ZDHHC17: variants seen among roughly 807,000 people sequenced by gnomAD.
ZDHHC17 encodes the protein palmitoyltransferase ZDHHC17.
ZDHHC17 carries 40 observed loss-of-function variants against 90.3 expected under a neutral mutation model. The observed-to-expected ratio is 0.44, with a 90% CI of 0.34 to 0.58. ZDHHC17 has a LOEUF of 0.58. Ranked by LOEUF, ZDHHC17 falls within the 20% of genes least tolerant of loss-of-function variation. The pLI is 0.01. For synonymous variants in ZDHHC17, 235 were observed against 252.4 expected, an observed-to-expected ratio of 0.93 and a Z score of 0.65; for missense variants, 614 against 780.8, an observed-to-expected ratio of 0.79 and a Z score of 2.55.
intron 1 of ZDHHC17, among the ~76,000 whole-genome samples, chr12:76,789,483 G>A (rs1400611199): frequency 6.6e-6 from 1 of 152,140 alleles, no homozygotes; most frequent in Non-Finnish European, 1.5e-5. Context: ...ACTGGGAAAT[G>A]TTTCAGAACA....
chr12:76,828,562 G>A (rs1423800970), intron 10 of ZDHHC17, 72 bp downstream of exon 10: 6 of 1,314,392 alleles, frequency 4.6e-6, no homozygotes, highest in Non-Finnish European at 6.5e-6. Flanking sequence ...TTAATAATTT[G>A]ACATTAGGAC....
chr12:76,808,476 C>A (rs905569417), intron 3 of ZDHHC17, among the ~76,000 whole-genome samples: 2 of 152,050 alleles, frequency 1.3e-5, no homozygotes, highest in African/African-American at 4.8e-5. Context: ...CTCTCTCTCT[C>A]CCCCTCTCTC....
At chr12:76,798,777 A>G (rs1363333656) in intron 2 of ZDHHC17, among the ~76,000 whole-genome samples, 1 of 152,200 alleles carries the variant, frequency 6.6e-6, no homozygotes, top group African/African-American at 2.4e-5. Flanking sequence ...TGGCTGGAGC[A>G]TGAGGAAGAG....
intron 15 of ZDHHC17, 67 bp downstream of exon 15, chr12:76,848,457 TA>T: frequency 2.0e-6 from 3 of 1,500,682 alleles, no homozygotes; most frequent in East Asian, 2.3e-5. Flanking sequence ...TAAAAGATAA[TA>T]ATATATTCTC....
intron 2 of ZDHHC17, among the ~76,000 whole-genome samples, chr12:76,800,120 T>C (rs1390042146): frequency 6.6e-6 from 1 of 152,212 alleles, no homozygotes; most frequent in Non-Finnish European, 1.5e-5. Context: ...AACCTGTACA[T>C]GGTTTTTATT....
intron 1 of ZDHHC17, among the ~76,000 whole-genome samples, chr12:76,793,128 C>T (rs970763918): frequency 3.3e-5 from 5 of 152,180 alleles, no homozygotes; most frequent in African/African-American, 9.7e-5. Context: ...TTGTCAGATT[C>T]GTGAGTTGTC....
chr12:76,837,196 C>T (rs548240315), intron 10 of ZDHHC17, among the ~76,000 whole-genome samples: 6 of 152,212 alleles, frequency 3.9e-5, no homozygotes, highest in East Asian at 3.9e-4. Flanking sequence ...AGTGCAGTGG[C>T]GTGATCTTGA....
chr12:76,799,690 G>A (rs369494036), intron 2 of ZDHHC17, among the ~76,000 whole-genome samples: 19 of 152,180 alleles, frequency 1.2e-4, no homozygotes, highest in East Asian at 1.9e-4. Context: ...CATCTTTTGC[G>A]TGAGCTTTGA....
intron 1 of ZDHHC17, chr12:76,781,609 C>G (rs1952628144): frequency 2.2e-6 from 1 of 456,058 alleles, no homozygotes; most frequent in Non-Finnish European, 4.4e-6. Flanking sequence ...GCACCTTCTA[C>G]CATGGGATGA....
At chr12:76,845,550 A>G (rs1326753445) in intron 12 of ZDHHC17, 159 bp from the exon 13 acceptor site, 1 of 351,652 alleles carries the variant, frequency 2.8e-6, no homozygotes, top group African/African-American at 2.1e-5. Context: ...TTTATTAAAC[A>G]ATAGTGACTT....
chr12:76,804,496 C>G (rs1276230305), intron 2 of ZDHHC17, among the ~76,000 whole-genome samples: 1 of 152,160 alleles, frequency 6.6e-6, no homozygotes, highest in African/African-American at 2.4e-5. Flanking sequence ...GCATGATAAA[C>G]CTAAGCACTG....
At chr12:76,814,637 G>C (rs145321613) in intron 5 of ZDHHC17, among the ~76,000 whole-genome samples, 179 of 152,004 alleles carry the variant, frequency 1.2e-3, no homozygotes, top group African/African-American at 4.1e-3. Context: ...ATGGTGGGAA[G>C]TAAGGCAGGG....
At chr12:76,788,546 G>T (rs1282744879) in intron 1 of ZDHHC17, among the ~76,000 whole-genome samples, 2 of 151,978 alleles carry the variant, frequency 1.3e-5, no homozygotes, top group East Asian at 3.8e-4. Flanking sequence ...GTATGAAAAA[G>T]ATTAATCTAT....
At chr12:76,795,897 A>G (rs1366565928) in intron 1 of ZDHHC17, among the ~76,000 whole-genome samples, 4 of 152,122 alleles carry the variant, frequency 2.6e-5, no homozygotes. Flanking sequence ...CTTTCTTCTA[A>G]TGTGGGTATA....
chr12:76,809,096 C>T lies in ZDHHC17; in HGVS notation c.374C>T (p.Ser125Leu). ...GATCAACTTGGAGGGGACCTGAATT[C>T]AACTCCATTGCACTGGGCCACAAGG... is the stretch of plus-strand genomic sequence containing the variant. The part of the protein sequence containing the change: ...IVDQLGGDLN[S>L]TPLHWATRQG... Residue 125 changes from serine to leucine, a missense_variant, in exon 4 of 17, where the codon TCA becomes TTA. Ser to Leu is a moderately radical substitution (Grantham distance 145). This residue lies in a region of ZDHHC17 where 358 missense variants were observed against 380.4 expected (regional missense o/e 0.94). Transcript: ENST00000426126. 1.3e-6 allele frequency: 2 copies of T among 1,566,454 alleles called. No individual in the cohort carries two copies. Among genetic ancestry groups the T allele is most frequent in the East Asian group, 2.4e-5 (1 of 42,056 alleles).
At chr12:76,834,453 C>T (rs766297221) in intron 10 of ZDHHC17, among the ~76,000 whole-genome samples, 1 of 152,036 alleles carries the variant, frequency 6.6e-6, no homozygotes. Flanking sequence ...ATTAAAAAAT[C>T]AAGAATGTGC....
intron 10 of ZDHHC17, among the ~76,000 whole-genome samples, chr12:76,831,476 G>A (rs896494989): frequency 1.3e-5 from 2 of 151,640 alleles, no homozygotes; most frequent in African/African-American, 4.9e-5. Context: ...TCAGCCTCCC[G>A]AGTAGCTGGG....
intron 15 of ZDHHC17, among the ~76,000 whole-genome samples, chr12:76,848,998 TTG>T (rs202013288): frequency 0.011 from 1,673 of 151,414 alleles, 11 homozygotes; most frequent in Non-Finnish European, 0.017. Flanking sequence ...GAATAATGGT[TTG>T]TGCAGCCTGG....
chr12:76,772,452 T>C (rs968240136), intron 1 of ZDHHC17, among the ~76,000 whole-genome samples: 8 of 152,128 alleles, frequency 5.3e-5, no homozygotes. Flanking sequence ...TGAACCTACA[T>C]TGATGCATCA....
Sources: gnomAD v4.1 joint callset for allele counts (sites outside exome capture counted in the v4.1 genomes callset) on GRCh38, gnomAD v4.1.1 for gene constraint, gnomAD v4.1.1 regional missense constraint, MANE v1.5 for transcripts, NCBI Gene and HGNC (gene_info 2026-07-23, HGNC 2026-07-21) for gene names.